Variants in RCOR1 observed in about 807,000 individuals in gnomAD.
RCOR1 encodes REST corepressor.
Under a neutral mutation model 64.0 loss-of-function variants are expected in RCOR1, and 12 were observed. The observed-to-expected ratio is 0.19, with a 90% CI of 0.12 to 0.30. The LOEUF (loss-of-function observed/expected upper bound fraction) is 0.30. RCOR1 is among the 10% of genes least tolerant of loss of function. The probability of loss-of-function intolerance (pLI) is 1.00; values close to 1 mark genes in which losing one functional copy is unlikely to be tolerated. For missense variants in RCOR1, 502 were observed against 621.2 expected, an observed-to-expected ratio of 0.81 and a Z score of 2.04; for synonymous variants, 279 against 227.2, an observed-to-expected ratio of 1.23 and a Z score of -2.05.
At chr14:102,717,755 T>C (rs1952895934) in intron 8 of RCOR1, among the ~76,000 whole-genome samples, 1 of 151,980 alleles carries the variant, frequency 6.6e-6, no homozygotes, top group Admixed American at 6.6e-5. Flanking sequence ...ATTGACTCCA[T>C]AGGGTGAGAG....
At chr14:102,627,474 T>TG (rs1894004147) in intron 2 of RCOR1, among the ~76,000 whole-genome samples, 1 of 152,190 alleles carries the variant, frequency 6.6e-6, no homozygotes, top group Non-Finnish European at 1.5e-5. Flanking sequence ...CTGGCCAATG[T>TG]GGGGAAACCC....
intron 2 of RCOR1, among the ~76,000 whole-genome samples, chr14:102,632,729 TCTCCCCTCCCCTCCCCTCCCCTCCC>T (rs1166950175): frequency 4.7e-4 from 12 of 25,304 alleles, no homozygotes; most frequent in South Asian, 4.3e-3. Flanking sequence ...TTTCCTTTCT[TCTCCCCTCCCCTCCCCTCCCCTCCC>T]CTCCCCTCCC....
intron 2 of RCOR1, among the ~76,000 whole-genome samples, chr14:102,666,505 T>C (rs556725779): frequency 1.3e-5 from 2 of 152,374 alleles, no homozygotes; most frequent in Non-Finnish European, 2.9e-5. Flanking sequence ...TTTATTCTTA[T>C]GTTCTTAGTT....
At chr14:102,690,588 TAAAA>T (rs1567436959) in intron 3 of RCOR1, among the ~76,000 whole-genome samples, 2 of 151,862 alleles carry the variant, frequency 1.3e-5, no homozygotes, top group African/African-American at 4.8e-5. Flanking sequence ...GACCCTGTCT[TAAAA>T]AAAGGAAAAA....
At chr14:102,614,460 G>A (rs1203404024) in intron 2 of RCOR1, among the ~76,000 whole-genome samples, 2 of 151,422 alleles carry the variant, frequency 1.3e-5, no homozygotes, top group South Asian at 2.1e-4. Flanking sequence ...TCTTGACCTC[G>A]TGATCCGCCC....
chr14:102,702,250 T>C (rs1895769627), intron 4 of RCOR1, among the ~76,000 whole-genome samples: 1 of 152,136 alleles, frequency 6.6e-6, no homozygotes, highest in Non-Finnish European at 1.5e-5. Flanking sequence ...ATCCTGGTCA[T>C]TGAAGCTACT....
intron 3 of RCOR1, among the ~76,000 whole-genome samples, chr14:102,695,925 TCA>T: frequency 6.6e-6 from 1 of 152,024 alleles, no homozygotes; most frequent in Non-Finnish European, 1.5e-5. Context: ...TCTGTGAGCC[TCA>T]GTTTCTTTGT....
chr14:102,684,161 G>A (rs910595731), intron 3 of RCOR1, among the ~76,000 whole-genome samples: 10 of 152,190 alleles, frequency 6.6e-5, no homozygotes, highest in South Asian at 2.1e-4. Flanking sequence ...AACCCGCTGC[G>A]GAGTCTGAAC....
At chr14:102,701,087 A>G (rs989728284) in intron 3 of RCOR1, among the ~76,000 whole-genome samples, 191 bp from the exon 4 acceptor site, 4 of 152,208 alleles carry the variant, frequency 2.6e-5, no homozygotes, top group Admixed American at 2.0e-4. Context: ...TCCATGATTC[A>G]GTTACCTCCA....
In RCOR1 at chr14:102,726,452, T is replaced by C. The variant is rs1566716071; in HGVS notation, c.1420-16T>C. ...CTCTTTGATCCTTTTTTTTTTTTTT[T>C]TCCTCTTGGCCTCAGGCTCCTGTTC... is the stretch of plus-strand genomic sequence containing the variant. On this transcript the variant is annotated splice_polypyrimidine_tract_variant and intron_variant, in intron 11 of 11. Transcript: ENST00000262241. 7 of 1,579,718 alleles carry C rather than the reference T, an allele frequency of 4.4e-6. No individual in the cohort carries two copies. The highest frequency in any genetic ancestry group is 2.7e-5 in the African/African-American group (2 of 72,838).
At chr14:102,704,789 C>G (rs1343230082) in intron 4 of RCOR1, among the ~76,000 whole-genome samples, 3 of 152,114 alleles carry the variant, frequency 2.0e-5, no homozygotes, top group Admixed American at 2.0e-4. Flanking sequence ...CAGAAATAAG[C>G]CATTCCATCC....
At chr14:102,621,696 GAAATA>G (rs1236632190) in intron 2 of RCOR1, among the ~76,000 whole-genome samples, 33 of 107,542 alleles carry the variant, frequency 3.1e-4, no homozygotes, top group African/African-American at 8.2e-4. Context: ...TAGTTGGCAC[GAAATA>G]AAATCACTTA....
intron 2 of RCOR1, among the ~76,000 whole-genome samples, chr14:102,653,970 TCTTTC>T (rs1894658758): frequency 2.0e-5 from 1 of 50,460 alleles, no homozygotes; most frequent in African/African-American, 1.4e-4. Context: ...TTTCTTTCTT[TCTTTC>T]TTTCTTTCTT....
At position 102,707,419 on chromosome 14, in the gene RCOR1, C is replaced by G; in HGVS notation, c.567C>G (p.Thr189=). ...CATTGGCTGATTTGCCCAACTTTAC[C>G]CCTTTCCCAGATGAGTGGACTGTGG... The part of the protein sequence containing the change: ...EKSLADLPNF[T]PFPDEWTVED... Residue 189 remains threonine, a synonymous_variant, in exon 5 of 12, where the codon ACC becomes ACG. Coordinates refer to ENST00000262241, the MANE Select transcript of RCOR1 (RefSeq NM_015156.4). The G allele has an allele frequency of 2.5e-6, 4 of 1,613,296 alleles. No individual in the cohort carries two copies. The highest frequency in any genetic ancestry group is 3.3e-5 in the Admixed American group (2 of 59,932).
intron 2 of RCOR1, among the ~76,000 whole-genome samples, chr14:102,645,862 G>A (rs80229951): frequency 0.023 from 3,556 of 152,202 alleles, 133 homozygotes; most frequent in African/African-American, 0.076. Flanking sequence ...AGCTGGAGAG[G>A]GCCGAGCTGA....
Position 102,593,198 on chromosome 14 carries a change from G to A in RCOR1, c.301+11G>A. 1 of 1,482,350 alleles carries A rather than the reference G, an allele frequency of 6.7e-7. No homozygotes were observed. The highest frequency in any genetic ancestry group is 8.9e-7 in the Non-Finnish European group (1 of 1,121,786). 91.8% of individuals were successfully genotyped at this position (1,482,350 alleles called of 1,614,324 possible). ...GCGACGAGGAGCACGGTAGGTGGCAGCCGCCCCCGCGGCCCCGGGCCCCGC... is the reference window on the plus strand; with the variant it reads ...GCGACGAGGAGCACGGTAGGTGGCAACCGCCCCCGCGGCCCCGGGCCCCGC... On this transcript the variant is annotated intron_variant, in intron 1 of 11. Coordinates refer to ENST00000262241, the MANE Select transcript of RCOR1 (RefSeq NM_015156.4).
chr14:102,704,517 C>T (rs181466038), intron 4 of RCOR1, among the ~76,000 whole-genome samples: 201 of 152,346 alleles, frequency 1.3e-3, no homozygotes, highest in Non-Finnish European at 1.9e-3. Flanking sequence ...CTACAACCTC[C>T]GCCTCTCGGG....
At chr14:102,704,101 G>A (rs1315019911) in intron 4 of RCOR1, among the ~76,000 whole-genome samples, 1 of 152,226 alleles carries the variant, frequency 6.6e-6, no homozygotes, top group Non-Finnish European at 1.5e-5. Flanking sequence ...GTAGTGACTA[G>A]GGCTTTTGCC....
At chr14:102,621,329 G>A (rs1259441181) in intron 2 of RCOR1, among the ~76,000 whole-genome samples, 2 of 148,836 alleles carry the variant, frequency 1.3e-5, no homozygotes, top group Admixed American at 6.7e-5. Flanking sequence ...GCATTTGAAT[G>A]GATAACTGTC....
Sources: gnomAD v4.1 joint callset for allele counts (sites outside exome capture counted in the v4.1 genomes callset) on GRCh38, gnomAD v4.1.1 for gene constraint, MANE v1.5 for transcripts, NCBI Gene and HGNC (gene_info 2026-07-23, HGNC 2026-07-21) for gene names.